PSMA2: variants seen among roughly 807,000 people sequenced by gnomAD.
PSMA2 encodes proteasome 20S subunit alpha 2.
In PSMA2, 2 loss-of-function variants were observed where a neutral mutation model predicts 35.9. The ratio of observed to expected loss-of-function variants is 0.06; its 90% CI spans 0.02 to 0.18. The LOEUF is 0.18. Among genes scored for constraint, PSMA2 ranks in the 10% least tolerant of loss-of-function variants. The probability of loss-of-function intolerance (pLI) is 1.00; values close to 1 mark genes in which losing one functional copy is unlikely to be tolerated. For synonymous variants in PSMA2, 97 were observed against 98.2 expected, an observed-to-expected ratio of 0.99 and a Z score of 0.07; for missense variants, 126 against 278.8, an observed-to-expected ratio of 0.45 and a Z score of 3.90.
intron 1 of PSMA2, among the ~76,000 whole-genome samples, chr7:42,930,835 C>T (rs1001991041): frequency 6.6e-6 from 1 of 151,946 alleles, no homozygotes; most frequent in African/African-American, 2.4e-5. Flanking sequence ...AAAAGGACCA[C>T]ATTTGTTTTC....
At chr7:42,929,625 A>T (rs1279350760) in intron 1 of PSMA2, among the ~76,000 whole-genome samples, 1 of 152,102 alleles carries the variant, frequency 6.6e-6, no homozygotes, top group Non-Finnish European at 1.5e-5. Flanking sequence ...CCTCTTTCTC[A>T]ACCTTACTTC....
intron 6 of PSMA2, chr7:42,919,281 T>C (rs944344819): frequency 1.6e-5 from 10 of 615,226 alleles, no homozygotes; most frequent in Middle Eastern, 3.1e-4. Flanking sequence ...CCACAGCAGC[T>C]GCAGATTTCA....
chr7:42,921,611 C>A, intron 6 of PSMA2: 1 of 329,342 alleles, frequency 3.0e-6, no homozygotes, highest in Non-Finnish European at 5.4e-6. Context: ...GTAAAAAAAC[C>A]AAAAGCATTT....
chr7:42,928,108 T>G (rs1786241728), intron 1 of PSMA2, among the ~76,000 whole-genome samples: 1 of 152,154 alleles, frequency 6.6e-6, no homozygotes, highest in African/African-American at 2.4e-5. Flanking sequence ...CCACAACTGG[T>G]TTTCCGTATC....
chr7:42,922,897 A>G (rs1237652852), intron 5 of PSMA2, among the ~76,000 whole-genome samples: 1 of 152,180 alleles, frequency 6.6e-6, no homozygotes, highest in East Asian at 1.9e-4. Flanking sequence ...CAATTACACA[A>G]TCATTTTTGC....
At chr7:42,919,386 T>G in intron 6 of PSMA2, 1 of 568,016 alleles carries the variant, frequency 1.8e-6, no homozygotes, top group Non-Finnish European at 3.5e-6. Flanking sequence ...TAGTAATTAT[T>G]TGTTAACCAG....
At chr7:42,931,990 C>A in intron 1 of PSMA2, 128 bp downstream of exon 1, 1 of 1,261,672 alleles carries the variant, frequency 7.9e-7, no homozygotes, top group Non-Finnish European at 1.1e-6. Context: ...TGCAAAGCCG[C>A]ATTTCCAACT....
At chr7:42,923,740 A>C (rs762446762) in intron 4 of PSMA2, among the ~76,000 whole-genome samples, 1 of 152,188 alleles carries the variant, frequency 6.6e-6, no homozygotes, top group Non-Finnish European at 1.5e-5. Flanking sequence ...CTATTACAAA[A>C]TGACAACTTT....
intron 5 of PSMA2, 78 bp downstream of exon 5, chr7:42,923,247 T>C: frequency 8.9e-7 from 1 of 1,123,066 alleles, no homozygotes; most frequent in East Asian, 2.4e-5. Context: ...AATTGTAAAG[T>C]TTTTATGGCT....
intron 3 of PSMA2, among the ~76,000 whole-genome samples, chr7:42,925,019 A>C (rs1253363558): frequency 6.6e-6 from 1 of 152,176 alleles, no homozygotes; most frequent in East Asian, 1.9e-4. Flanking sequence ...TAACAGATTT[A>C]ATGTACAAAA....
intron 6 of PSMA2, chr7:42,919,717 A>C (rs1345077194): frequency 1.7e-6 from 1 of 585,706 alleles, no homozygotes; most frequent in African/African-American, 1.9e-5. Context: ...AGCTCCTGCA[A>C]ACATTAACTC....
intron 6 of PSMA2, 159 bp from the exon 7 acceptor site, chr7:42,917,994 T>C (rs1371835858): frequency 1.2e-5 from 6 of 502,914 alleles, no homozygotes; most frequent in Non-Finnish European, 2.1e-5. Context: ...GTCTCCAGAT[T>C]AAAAAAACTG....
intron 6 of PSMA2, 32 bp downstream of exon 6, chr7:42,921,826 C>A: frequency 6.4e-7 from 1 of 1,565,128 alleles, no homozygotes; most frequent in Admixed American, 1.8e-5. Context: ...AGTGAGTTTG[C>A]TAAAGAATGC....
At position 42,917,338 on chromosome 7, in the gene PSMA2, T is replaced by C; in HGVS notation, c.*236A>G. On this transcript the variant is annotated 3_prime_UTR_variant, in exon 8 of 8. Transcript: ENST00000223321. ...TTCATCATTCTGCTTGGCAATGTAG[T>C]CTTCAGAAATCAACTGTGATAAAAA... The C allele has an allele frequency of 2.7e-6, 1 of 371,816 alleles. No individual in the cohort carries two copies. Among genetic ancestry groups the C allele is most frequent in the Non-Finnish European group, 4.9e-6 (1 of 205,424 alleles). The allele number at this position is 371,816 out of a possible 1,614,324, so 23.0% of individuals were successfully genotyped here.
intron 6 of PSMA2, chr7:42,919,192 G>C (rs1326651301): frequency 3.7e-5 from 22 of 598,546 alleles, no homozygotes; most frequent in East Asian, 3.8e-5. Flanking sequence ...GGGAGATACA[G>C]GAGACTGGAT....
At chr7:42,925,463 T>C (rs1360454069) in intron 3 of PSMA2, among the ~76,000 whole-genome samples, 2 of 152,226 alleles carry the variant, frequency 1.3e-5, no homozygotes, top group African/African-American at 2.4e-5. Flanking sequence ...CTCTTTTCTC[T>C]GTTTAATGGA....
chr7:42,918,069 G>A (rs185131229), intron 6 of PSMA2: 20 of 203,288 alleles, frequency 9.8e-5, no homozygotes, highest in South Asian at 1.6e-4. Flanking sequence ...TTTAGTTTAG[G>A]AAACTTTTTT....
chr7:42,925,787 C>G (rs1392612881), intron 3 of PSMA2, among the ~76,000 whole-genome samples: 1 of 152,216 alleles, frequency 6.6e-6, no homozygotes. Context: ...AATGCAGTAT[C>G]CAGCCTATAT....
At chr7:42,927,355 A>G (rs1786230144) in intron 2 of PSMA2, 28 bp downstream of exon 2, 1 of 1,574,674 alleles carries the variant, frequency 6.4e-7, no homozygotes, top group South Asian at 1.1e-5. Context: ...ACTAACAGGC[A>G]TCTGAAATGA....
Sources: gnomAD v4.1 joint callset for allele counts (sites outside exome capture counted in the v4.1 genomes callset) on GRCh38, gnomAD v4.1.1 for gene constraint, MANE v1.5 for transcripts, NCBI Gene and HGNC (gene_info 2026-07-23, HGNC 2026-07-21) for gene names.